Variants in L3MBTL3 observed in about 807,000 individuals in gnomAD.
The protein encoded by L3MBTL3 is L3MBTL histone methyl-lysine binding protein 3, also known as lethal(3)malignant brain tumor-like protein 3.
A neutral mutation model predicts 102.3 loss-of-function variants in L3MBTL3; 27 were observed. The observed-to-expected ratio is 0.26, with a 90% CI of 0.19 to 0.36. L3MBTL3 has a LOEUF of 0.36. L3MBTL3 is among the 10% of genes least tolerant of loss of function. The pLI is 1.00. For missense variants in L3MBTL3, 798 were observed against 955.3 expected (o/e 0.84, Z 2.17); for synonymous variants, 340 against 320.9 (o/e 1.06, Z -0.64).
At chr6:130,056,931 C>A (rs1053793690) in intron 8 of L3MBTL3, among the ~76,000 whole-genome samples, 2 of 152,136 alleles carry the variant, frequency 1.3e-5, no homozygotes, top group African/African-American at 4.8e-5. Flanking sequence ...CTAATATTAA[C>A]TGCCTCTATT....
intron 16 of L3MBTL3, among the ~76,000 whole-genome samples, chr6:130,087,419 A>G (rs1783757035): frequency 6.6e-6 from 1 of 152,174 alleles, no homozygotes; most frequent in Admixed American, 6.5e-5. Flanking sequence ...TAGACAAGTA[A>G]TCAAATACAT....
chr6:130,117,439 C>T (rs1785790082), intron 19 of L3MBTL3, among the ~76,000 whole-genome samples: 1 of 152,072 alleles, frequency 6.6e-6, no homozygotes, highest in African/African-American at 2.4e-5. Context: ...TGTCAAGAAG[C>T]ATATCTTTTA....
chr6:130,076,345 AC>A (rs1782946773), intron 13 of L3MBTL3, among the ~76,000 whole-genome samples: 1 of 152,152 alleles, frequency 6.6e-6, no homozygotes, highest in Non-Finnish European at 1.5e-5. Context: ...GACTGACAAA[AC>A]CAGAATCCCT....
intron 3 of L3MBTL3, among the ~76,000 whole-genome samples, chr6:130,044,400 TAAAA>T (rs1233481603): frequency 6.6e-6 from 1 of 152,074 alleles, no homozygotes; most frequent in African/African-American, 2.4e-5. Flanking sequence ...TGGCTTTTTT[TAAAA>T]AAAACTGTCA....
chr6:130,123,263 T>A (rs190550050), intron 20 of L3MBTL3, among the ~76,000 whole-genome samples: 1 of 152,154 alleles, frequency 6.6e-6, no homozygotes, highest in Non-Finnish European at 1.5e-5. Flanking sequence ...TTTTTCTTGA[T>A]TTGAATTGCC....
At chr6:130,061,111 G>T (rs1781871755) in intron 10 of L3MBTL3, among the ~76,000 whole-genome samples, 1 of 137,098 alleles carries the variant, frequency 7.3e-6, no homozygotes, top group Non-Finnish European at 1.5e-5. Flanking sequence ...TTGAGATGGA[G>T]TCTCACTCTG....
At chr6:130,095,568 A>G (rs1202059658) in intron 18 of L3MBTL3, among the ~76,000 whole-genome samples, 1 of 152,212 alleles carries the variant, frequency 6.6e-6, no homozygotes, top group Non-Finnish European at 1.5e-5. Flanking sequence ...CATTATGTAA[A>G]TCTAGATGCC....
In L3MBTL3 at chr6:130,120,906, A is replaced by AGACTTT; in HGVS notation, c.1917_1922dup (p.Asp639_Phe640dup). 5 of 1,612,100 alleles carry AGACTTT rather than the reference A, an allele frequency of 3.1e-6. No homozygotes were observed. The highest frequency in any genetic ancestry group is 3.4e-6 in the Non-Finnish European group (4 of 1,178,806). On this transcript the variant is annotated inframe_insertion, in exon 20 of 23. Transcript: ENST00000361794. ...ACCAGCATGCTGATGATGTCAAAGA[A>AGACTTT]GACTTTGAAGAGAGAACAGAAAGTG... is the stretch of plus-strand genomic sequence containing the variant.
chr6:130,114,072 C>G (rs1785514320), intron 19 of L3MBTL3, among the ~76,000 whole-genome samples: 1 of 152,166 alleles, frequency 6.6e-6, no homozygotes, highest in South Asian at 2.1e-4. Flanking sequence ...AACCTCTTCT[C>G]CCTTTTTGTT....
At chr6:130,057,295 A>C (rs532528721) in intron 8 of L3MBTL3, 111 bp from the exon 9 acceptor site, 33 of 798,910 alleles carry the variant, frequency 4.1e-5, no homozygotes, top group African/African-American at 4.1e-4. Flanking sequence ...CAGTCCTGGA[A>C]GTCAGAGAAG....
At chr6:130,066,241 T>A (rs895935694) in intron 10 of L3MBTL3, 112 bp from the exon 11 acceptor site, 1 of 340,180 alleles carries the variant, frequency 2.9e-6, no homozygotes, top group African/African-American at 2.1e-5. Context: ...GTGGTTTGAT[T>A]AACATTAAGA....
chr6:130,068,391 T>C lies in L3MBTL3; in HGVS notation c.1062T>C (p.Ala354=). ...TYLKTCKAQA[A]PKSLFENQNI... ...TTAAGACATGTAAAGCTCAAGCTGCTCCTAAGTCATTATTTGAAAATCAGA... is the reference window on the plus strand; with the variant it reads ...TTAAGACATGTAAAGCTCAAGCTGCCCCTAAGTCATTATTTGAAAATCAGA... Residue 354 remains alanine (A), a synonymous_variant, in exon 12 of 23, where the codon GCT becomes GCC. Coordinates refer to ENST00000361794, the MANE Select transcript of L3MBTL3 (RefSeq NM_032438.4). 6.2e-7 allele frequency: 1 copy of C among 1,602,492 alleles called. No homozygotes were observed. Among genetic ancestry groups the C allele is most frequent in the Non-Finnish European group, 8.5e-7 (1 of 1,169,786 alleles).
chr6:130,067,069 G>T (rs1782305755), intron 11 of L3MBTL3, among the ~76,000 whole-genome samples: 1 of 152,062 alleles, frequency 6.6e-6, no homozygotes, highest in African/African-American at 2.4e-5. Context: ...TTATATCAAA[G>T]TTCAAGAATA....
At chr6:130,028,891 A>G (rs1562248198) in intron 2 of L3MBTL3, among the ~76,000 whole-genome samples, 1 of 152,204 alleles carries the variant, frequency 6.6e-6, no homozygotes, top group Non-Finnish European at 1.5e-5. Context: ...GTAAACAAAT[A>G]CTTAGCAGCC....
chr6:130,115,720 A>G (rs1341742102), intron 19 of L3MBTL3, among the ~76,000 whole-genome samples: 1 of 152,232 alleles, frequency 6.6e-6, no homozygotes, highest in African/African-American at 2.4e-5. Context: ...AGTGGATTCC[A>G]CTGTCTTTAT....
chr6:130,038,355 A>G (rs1344400355), intron 2 of L3MBTL3, among the ~76,000 whole-genome samples: 2 of 151,840 alleles, frequency 1.3e-5, no homozygotes, highest in East Asian at 1.9e-4. Context: ...ACTGTTTTCT[A>G]TAATGGCCAT....
intron 2 of L3MBTL3, among the ~76,000 whole-genome samples, chr6:130,029,444 A>G: frequency 6.6e-6 from 1 of 152,234 alleles, no homozygotes; most frequent in Non-Finnish European, 1.5e-5. Context: ...CAAAAACGTC[A>G]CAGTAAGGTT....
intron 7 of L3MBTL3, among the ~76,000 whole-genome samples, chr6:130,053,407 C>T (rs61089850): frequency 0.062 from 9,462 of 151,922 alleles, 793 homozygotes; most frequent in African/African-American, 0.2. Context: ...AGGCCGAGGC[C>T]GGCAGATCAC....
chr6:130,062,056 G>A (rs1251047195), intron 10 of L3MBTL3, among the ~76,000 whole-genome samples: 2 of 152,156 alleles, frequency 1.3e-5, no homozygotes, highest in Non-Finnish European at 2.9e-5. Context: ...GACTGCTTTT[G>A]AGAAGTTTAG....
Sources: gnomAD v4.1 joint callset for allele counts (sites outside exome capture counted in the v4.1 genomes callset) on GRCh38, gnomAD v4.1.1 for gene constraint, MANE v1.5 for transcripts, NCBI Gene and HGNC (gene_info 2026-07-23, HGNC 2026-07-21) for gene names.